The following GPM6A variants were observed in gnomAD, a reference collection of about 807,000 sequenced individuals.
GPM6A encodes neuronal membrane glycoprotein M6-a.
GPM6A carries 7 observed loss-of-function variants against 32.1 expected under a neutral mutation model. The ratio of observed to expected loss-of-function variants is 0.22; its 90% confidence interval spans 0.12 to 0.41. GPM6A has a LOEUF of 0.41. GPM6A is among the 10% of genes least tolerant of loss of function. The probability of loss-of-function intolerance (pLI) is 1.00; values close to 1 mark genes in which losing one functional copy is unlikely to be tolerated. For synonymous variants in GPM6A, 130 were observed against 123.4 expected (o/e 1.05, Z -0.35); for missense variants, 235 against 347.2 (o/e 0.68, Z 2.57).
At chr4:175,741,767 C>A (rs990895880) in intron 1 of GPM6A, among the ~76,000 whole-genome samples, 1 of 151,884 alleles carries the variant, frequency 6.6e-6, no homozygotes, top group Non-Finnish European at 1.5e-5. Flanking sequence ...ATTTAGTTGG[C>A]GCTATTATAT....
intron 1 of GPM6A, among the ~76,000 whole-genome samples, chr4:175,847,915 C>T (rs142086891): frequency 2.2e-4 from 33 of 152,250 alleles, no homozygotes; most frequent in East Asian, 1.2e-3. Context: ...CAACGTCAAC[C>T]AGGTATGGCA....
rs181972916 is a variant in GPM6A at position 175,717,136 on chromosome 4, T to C, written c.38-15369A>G. 4.6e-5 allele frequency among the ~76,000 whole-genome samples: 7 copies of C among 152,308 alleles called. No homozygotes were observed. In the East Asian group the frequency reaches 1.4e-3, roughly 29 times the overall value. On this transcript the variant is annotated intron_variant, in intron 1 of 6. Transcript: ENST00000393658. ...GCATCATTTCCCACTGCGGCCCACT[T>C]GGCTCACTGCACACCAGCTACATTG...
In GPM6A at chr4:176,000,517, T is replaced by C. The variant is rs184438331; in HGVS notation, c.-23+1792A>G. On this transcript the variant is annotated intron_variant, in intron 1 of 7. Transcript: ENST00000280187. ...TTAAAAATAATTAAGTTTGAAATTA[T>C]GAATACCTTACCTTTGATAGCCAGT... is the stretch of plus-strand genomic sequence containing the variant. Among the ~76,000 whole-genome samples, 249 of 152,386 alleles carry C rather than the reference T, an allele frequency of 1.6e-3. No individual in the cohort carries two copies. The Middle Eastern group carries it at 0.024, about 15-fold the overall frequency.
At chr4:175,715,586 G>A (rs1745798113) in intron 1 of GPM6A, among the ~76,000 whole-genome samples, 1 of 152,048 alleles carries the variant, frequency 6.6e-6, no homozygotes, top group Non-Finnish European at 1.5e-5. Context: ...ATGGGAGTGG[G>A]GTAGAATCTG....
At chr4:175,698,680 A>G (rs1321791151) in intron 2 of GPM6A, among the ~76,000 whole-genome samples, 2 of 152,190 alleles carry the variant, frequency 1.3e-5, no homozygotes, top group African/African-American at 2.4e-5. Context: ...TTAGCTCTGC[A>G]GGGCCTGTAT....
chr4:175,776,994 C>T (rs1733422056), intron 1 of GPM6A, among the ~76,000 whole-genome samples: 1 of 152,164 alleles, frequency 6.6e-6, no homozygotes, highest in African/African-American at 2.4e-5. Flanking sequence ...ATTTTATACA[C>T]ACATGGGTGT....
At chr4:175,702,534 A>G (rs1418181070) in intron 1 of GPM6A, among the ~76,000 whole-genome samples, 1 of 152,064 alleles carries the variant, frequency 6.6e-6, no homozygotes, top group Non-Finnish European at 1.5e-5. Context: ...TCCTTTATTG[A>G]GACAGAGTCT....
At chr4:175,874,179 G>T (rs949211958) in intron 1 of GPM6A, among the ~76,000 whole-genome samples, 5 of 152,120 alleles carry the variant, frequency 3.3e-5, no homozygotes, top group African/African-American at 1.2e-4. Flanking sequence ...TTCATGTTCC[G>T]CAGGTCAATA....
At chr4:175,971,267 C>T (rs1390949702) in intron 1 of GPM6A, among the ~76,000 whole-genome samples, 1 of 130,884 alleles carries the variant, frequency 7.6e-6, no homozygotes, top group Non-Finnish European at 1.5e-5. Flanking sequence ...CTTTATCTTC[C>T]GTGAAAAAAA....
intron 2 of GPM6A, among the ~76,000 whole-genome samples, chr4:175,688,616 T>C (rs1560876138): frequency 2.7e-5 from 4 of 149,962 alleles, no homozygotes; most frequent in Non-Finnish European, 6.0e-5. Context: ...TAGTTAAAAA[T>C]AATTTATTTC....
chr4:175,843,275 AT>A (rs1213847782), intron 1 of GPM6A, among the ~76,000 whole-genome samples: 3 of 152,184 alleles, frequency 2.0e-5, no homozygotes, highest in Non-Finnish European at 4.4e-5. Context: ...TTTACAAAAA[AT>A]ATCATTAACT....
chr4:175,851,821 A>C (rs959897964), intron 1 of GPM6A, among the ~76,000 whole-genome samples: 8 of 152,202 alleles, frequency 5.3e-5, no homozygotes, highest in African/African-American at 1.9e-4. Flanking sequence ...ATAATTTTCT[A>C]TTCTGTATTG....
chr4:175,941,418 C>T (rs952721692), intron 1 of GPM6A, among the ~76,000 whole-genome samples: 3 of 150,940 alleles, frequency 2.0e-5, no homozygotes, highest in African/African-American at 7.4e-5. Context: ...ACTTTAAGTT[C>T]TGTGATACAT....
chr4:175,932,124 G>A (rs1412235284), intron 1 of GPM6A, among the ~76,000 whole-genome samples: 2 of 150,826 alleles, frequency 1.3e-5, no homozygotes, highest in Admixed American at 1.3e-4. Context: ...GAAAAAAAAA[G>A]GAAAGAAAAA....
chr4:175,935,642 A>C (rs1190393873), intron 1 of GPM6A, among the ~76,000 whole-genome samples: 2 of 152,212 alleles, frequency 1.3e-5, no homozygotes, highest in African/African-American at 4.8e-5. Context: ...AATATATTTA[A>C]TACAAGGAAT....
intron 1 of GPM6A, among the ~76,000 whole-genome samples, chr4:175,705,668 C>A (rs542815917): frequency 1.3e-5 from 2 of 152,172 alleles, no homozygotes; most frequent in Admixed American, 1.3e-4. Flanking sequence ...CCCTGGGCCC[C>A]GGATAGGTTC....
intron 1 of GPM6A, among the ~76,000 whole-genome samples, chr4:175,964,287 A>AAAAC (rs904314013): frequency 9.5e-6 from 1 of 104,878 alleles, no homozygotes; most frequent in African/African-American, 2.5e-5. Flanking sequence ...ATGTTGTCCA[A>AAAAC]AAACAAACAA....
intron 1 of GPM6A, among the ~76,000 whole-genome samples, chr4:175,936,672 G>A (rs1239342812): frequency 6.6e-6 from 1 of 151,756 alleles, no homozygotes; most frequent in East Asian, 1.9e-4. Context: ...TATCAAACCA[G>A]AAGCAATACT....
chr4:175,816,030 T>TA (rs1365616844), upstream of GPM6A, among the ~76,000 whole-genome samples: 2 of 151,896 alleles, frequency 1.3e-5, no homozygotes, highest in African/African-American at 2.4e-5. Context: ...ACAGACACTT[T>TA]AAAAAAACAA....
Sources: gnomAD v4.1 joint callset for allele counts (sites outside exome capture counted in the v4.1 genomes callset) on GRCh38, gnomAD v4.1.1 for gene constraint, MANE v1.5 for transcripts, NCBI Gene and HGNC (gene_info 2026-07-23, HGNC 2026-07-21) for gene names.